Variants in CLVS1 observed in about 807,000 individuals in gnomAD.
CLVS1 encodes clavesin 1.
Under a neutral mutation model 33.1 loss-of-function variants are expected in CLVS1, and 10 were observed. The observed-to-expected ratio is 0.30, with a 90% CI of 0.19 to 0.51. The LOEUF is 0.51. Ranked by LOEUF, CLVS1 falls within the 20% of genes least tolerant of loss-of-function variation. CLVS1 has a pLI of 0.97. For synonymous variants in CLVS1, 163 were observed against 166.1 expected (o/e 0.98, Z 0.14); for missense variants, 343 against 433.4 (o/e 0.79, Z 1.85).
At chr8:61,288,857 G>GT (rs1563478800) in intron 1 of CLVS1, among the ~76,000 whole-genome samples, 1 of 152,122 alleles carries the variant, frequency 6.6e-6, no homozygotes, top group Non-Finnish European at 1.5e-5. Context: ...CCAGAATTAA[G>GT]TTTTTTCTTC....
the CLVS1 span, among the ~76,000 whole-genome samples, chr8:60,987,589 G>C: frequency 3.3e-5 from 5 of 152,122 alleles, no homozygotes; most frequent in East Asian, 9.6e-4. Flanking sequence ...TCTTTCAATA[G>C]TTAACCTCTG....
the CLVS1 span, among the ~76,000 whole-genome samples, chr8:61,046,481 TG>T: frequency 2.0e-5 from 3 of 147,610 alleles, no homozygotes; most frequent in Non-Finnish European, 3.0e-5. Context: ...GGCTCTTTTT[TG>T]GTTCCATACG....
intron 2 of CLVS1, among the ~76,000 whole-genome samples, chr8:61,255,791 C>A (rs1809066449): frequency 6.6e-6 from 1 of 152,126 alleles, no homozygotes; most frequent in South Asian, 2.1e-4. Context: ...CTTGAACCTA[C>A]TATAAGAAGT....
At chr8:61,436,710 A>G (rs535221374) in intron 3 of CLVS1, among the ~76,000 whole-genome samples, 1 of 152,202 alleles carries the variant, frequency 6.6e-6, no homozygotes, top group South Asian at 2.1e-4. Context: ...TTTCTTCTCT[A>G]TCTCCACTAA....
chr8:61,104,537 A>G (rs1805501909), intron 1 of CLVS1, among the ~76,000 whole-genome samples: 1 of 152,260 alleles, frequency 6.6e-6, no homozygotes. Flanking sequence ...GATTAGTTTT[A>G]GTAATCTTTA....
Position 61,279,611 on chromosome 8 carries a change from C to T in CLVS1, c.-151-20066C>T, listed in dbSNP as rs572621743. On this transcript the variant is annotated intron_variant, in intron 2 of 2. Coordinates refer to the CLVS1 transcript ENST00000522621. ...GCCAAACCATAACTCCCCTCTGATGCCCTATTAAGATATCCACTGAAGCTT... is the reference window on the plus strand; with the variant it reads ...GCCAAACCATAACTCCCCTCTGATGTCCTATTAAGATATCCACTGAAGCTT... Among the ~76,000 whole-genome samples, 10 of 128,198 alleles carry T rather than the reference C, an allele frequency of 7.8e-5. No individual in the cohort carries two copies. The East Asian group carries it at 2.8e-3, about 36-fold the overall frequency. 84.1% of individuals were successfully genotyped at this position (128,198 alleles called of 152,430 possible).
chr8:61,002,083 A>G, the CLVS1 span, among the ~76,000 whole-genome samples: 2 of 151,866 alleles, frequency 1.3e-5, no homozygotes, highest in Non-Finnish European at 2.9e-5. Flanking sequence ...GGCTCTAGCA[A>G]TCCTTCTACC....
At chr8:61,074,358 GTGTATATATATATATATAAGTATA>G (rs1804859886) in intron 1 of CLVS1, among the ~76,000 whole-genome samples, 1 of 95,090 alleles carries the variant, frequency 1.1e-5, no homozygotes, top group African/African-American at 8.1e-5. Flanking sequence ...ATGTGTGTGT[GTGTATATATATATATATAAGTATA>G]TGTGTATATA....
chr8:61,211,009 G>A (rs1046543778), intron 2 of CLVS1, among the ~76,000 whole-genome samples: 2 of 152,128 alleles, frequency 1.3e-5, no homozygotes, highest in Admixed American at 6.5e-5. Context: ...AGCAAGGGGA[G>A]AGTAAAGTAG....
intron 1 of CLVS1, among the ~76,000 whole-genome samples, chr8:61,111,757 T>C (rs1168197545): frequency 1.4e-5 from 2 of 145,570 alleles, no homozygotes; most frequent in African/African-American, 5.0e-5. Context: ...CTTTCTTTAT[T>C]ACCCTTCTTT....
At chr8:61,316,419 A>C (rs550844286) in intron 2 of CLVS1, among the ~76,000 whole-genome samples, 22 of 152,198 alleles carry the variant, frequency 1.4e-4, no homozygotes, top group Admixed American at 8.5e-4. Flanking sequence ...GAAGTTTAAG[A>C]ATCACCATAT....
chr8:61,263,553 C>T (rs1809248999), intron 2 of CLVS1, among the ~76,000 whole-genome samples: 1 of 152,154 alleles, frequency 6.6e-6, no homozygotes, highest in Admixed American at 6.5e-5. Context: ...ACAGTATCAA[C>T]CTTTAGACAT....
chr8:61,009,171 A>G, the CLVS1 span, among the ~76,000 whole-genome samples: 1 of 145,264 alleles, frequency 6.9e-6, no homozygotes, highest in East Asian at 2.0e-4. Flanking sequence ...ACTCTTAAAA[A>G]TTTTTTTTTT....
chr8:61,093,817 C>T (rs1198116209), intron 1 of CLVS1, among the ~76,000 whole-genome samples: 1 of 152,188 alleles, frequency 6.6e-6, no homozygotes, highest in East Asian at 1.9e-4. Context: ...TTCAGCAGCT[C>T]GCTGCAATGC....
rs552862034 is a variant in CLVS1, at chr8:61,401,625, A to G, written c.630+24846A>G. On this transcript the variant is annotated intron_variant, in intron 3 of 5. Coordinates refer to ENST00000325897, the MANE Select transcript of CLVS1 (RefSeq NM_173519.3). ...AAGAATAAATATTGTGAAGATGGCC[A>G]TACTGCCCAAGGCAATTTATAGATT... Among the ~76,000 whole-genome samples the G allele has an allele frequency of 2.6e-5, 4 of 152,346 alleles. No individual in the cohort carries two copies. The South Asian group carries it at 6.2e-4, about 24-fold the overall frequency.
chr8:61,060,985 G>A (rs1183391289), intron 1 of CLVS1, among the ~76,000 whole-genome samples: 2 of 152,120 alleles, frequency 1.3e-5, no homozygotes, highest in African/African-American at 2.4e-5. Flanking sequence ...ACACACTCAG[G>A]TTGTGTTTTT....
intron 2 of CLVS1, chr8:61,202,846 G>T: frequency 3.0e-6 from 3 of 994,458 alleles, no homozygotes; most frequent in Non-Finnish European, 4.7e-6. Context: ...AGATGATGAT[G>T]ATGATGAAGA....
the CLVS1 span, among the ~76,000 whole-genome samples, chr8:60,996,030 G>C: frequency 2.0e-5 from 3 of 152,154 alleles, no homozygotes; most frequent in African/African-American, 2.4e-5. Flanking sequence ...GGGTAGGGGG[G>C]AGGGATAGCA....
chr8:61,178,718 C>G (rs1011821022), intron 2 of CLVS1, among the ~76,000 whole-genome samples: 1 of 152,146 alleles, frequency 6.6e-6, no homozygotes, highest in Non-Finnish European at 1.5e-5. Flanking sequence ...AAAGAATTTT[C>G]AACACAGAAT....
Sources: allele counts gnomAD v4.1 joint callset (sites outside exome capture counted in the v4.1 genomes callset), GRCh38; gene constraint gnomAD v4.1.1; transcripts MANE v1.5; gene names NCBI Gene and HGNC (gene_info 2026-07-23, HGNC 2026-07-21).